The following FAM13C variants were observed in gnomAD, a reference collection of about 807,000 sequenced individuals.
The protein encoded by FAM13C is protein FAM13C.
A neutral mutation model predicts 73.2 loss-of-function variants in FAM13C; 37 were observed. The observed-to-expected ratio is 0.51, with a 90% CI of 0.39 to 0.67. The LOEUF (loss-of-function observed/expected upper bound fraction) is 0.67. FAM13C is among the 30% of genes least tolerant of loss of function. The probability of loss-of-function intolerance (pLI) is 0.00; values close to 1 mark genes in which losing one functional copy is unlikely to be tolerated. For missense variants in FAM13C, 589 were observed against 715.6 expected (o/e 0.82, Z 2.02); for synonymous variants, 246 against 260.9 (o/e 0.94, Z 0.55).
At chr10:59,293,509 T>TTA (rs535822543) in intron 5 of FAM13C, among the ~76,000 whole-genome samples, 236 of 152,346 alleles carry the variant, frequency 1.5e-3, no homozygotes, top group African/African-American at 5.1e-3. Flanking sequence ...TTTCACTCTT[T>TTA]TTTATGACTG....
At chr10:59,275,795 T>C (rs190698526) in intron 6 of FAM13C, among the ~76,000 whole-genome samples, 5 of 152,224 alleles carry the variant, frequency 3.3e-5, no homozygotes, top group African/African-American at 9.6e-5. Flanking sequence ...TTAAGACAAA[T>C]ACAATCAGGT....
At chr10:59,292,015 C>T (rs1846317293) in intron 5 of FAM13C, among the ~76,000 whole-genome samples, 1 of 152,048 alleles carries the variant, frequency 6.6e-6, no homozygotes, top group Non-Finnish European at 1.5e-5. Context: ...GTCTCTATCT[C>T]CTGACCTCGT....
At chr10:59,274,421 G>A (rs1844090859) in intron 6 of FAM13C, among the ~76,000 whole-genome samples, 1 of 152,086 alleles carries the variant, frequency 6.6e-6, no homozygotes, top group African/African-American at 2.4e-5. Flanking sequence ...TGGGAATGAG[G>A]GCAGATGAAA....
At chr10:59,350,505 C>A (rs1454828918) in intron 3 of FAM13C, among the ~76,000 whole-genome samples, 3 of 152,170 alleles carry the variant, frequency 2.0e-5, no homozygotes, top group East Asian at 3.9e-4. Context: ...CCCTCCCCAG[C>A]ATGACTCTCC....
At position 59,305,115 on chromosome 10, in the gene FAM13C, T is replaced by C. The variant is rs535298126; in HGVS notation, c.444-2251A>G. ...TTATGAAGCCTCAGGTATTCTGCAA[T>C]AGCAACACTAAATGGACTAAGACAC... On this transcript the variant is annotated intron_variant, in intron 4 of 13. Coordinates refer to ENST00000618804, the MANE Select transcript of FAM13C (RefSeq NM_198215.4). Among the ~76,000 whole-genome samples the C allele has an allele frequency of 4.5e-4, 69 of 152,328 alleles. 1 individual carries two copies. The highest frequency in any genetic ancestry group is 1.5e-3 in the African/African-American group (63 of 41,562).
intron 6 of FAM13C, among the ~76,000 whole-genome samples, chr10:59,281,742 ACT>A (rs1055012262): frequency 5.6e-4 from 85 of 152,334 alleles, no homozygotes; most frequent in African/African-American, 2.0e-3. Flanking sequence ...AAAATCCAAA[ACT>A]ATTCTTAATT....
At chr10:59,253,044 T>C in intron 11 of FAM13C, 46 bp from the exon 12 acceptor site, 1 of 1,594,334 alleles carries the variant, frequency 6.3e-7, no homozygotes, top group Non-Finnish European at 8.6e-7. Flanking sequence ...TAATGCTCAG[T>C]GCCTCTTGAG....
At chr10:59,275,148 T>C (rs284622) in intron 6 of FAM13C, among the ~76,000 whole-genome samples, 113,518 of 152,112 alleles carry the variant, frequency 0.75, 44,539 homozygotes, top group East Asian at 0.9. Context: ...GAACATTGAA[T>C]ATACAAAGCA....
chr10:59,321,774 A>G (rs764042282), intron 4 of FAM13C, among the ~76,000 whole-genome samples: 3 of 152,028 alleles, frequency 2.0e-5, no homozygotes, highest in Admixed American at 6.6e-5. Context: ...CACCTCTACA[A>G]ACATGGATTC....
chr10:59,350,445 C>G (rs1215499680), intron 3 of FAM13C, among the ~76,000 whole-genome samples: 1 of 152,208 alleles, frequency 6.6e-6, no homozygotes, highest in African/African-American at 2.4e-5. Context: ...TCAAGGTCAG[C>G]ACATCCCTGG....
chr10:59,360,984 G>T, intron 1 of FAM13C: 1 of 1,279,660 alleles, frequency 7.8e-7, no homozygotes, highest in Non-Finnish European at 1.0e-6. Context: ...GGGCCAGAAA[G>T]CACTTAGTAC....
At chr10:59,359,579 G>C (rs970040516) in intron 1 of FAM13C, among the ~76,000 whole-genome samples, 1 of 152,180 alleles carries the variant, frequency 6.6e-6, no homozygotes, top group African/African-American at 2.4e-5. Flanking sequence ...GAAGTACCTG[G>C]TCAAAACAGA....
intron 4 of FAM13C, among the ~76,000 whole-genome samples, chr10:59,307,157 A>T (rs1042907113): frequency 1.3e-5 from 2 of 152,060 alleles, no homozygotes; most frequent in Non-Finnish European, 2.9e-5. Flanking sequence ...TTGAGGTGAG[A>T]CTGAAATAGA....
chr10:59,315,257 C>T (rs747205685), intron 4 of FAM13C, among the ~76,000 whole-genome samples: 1 of 152,098 alleles, frequency 6.6e-6, no homozygotes, highest in Admixed American at 6.6e-5. Flanking sequence ...AAAATTACCA[C>T]CACTAAAATA....
chr10:59,345,330 T>C (rs1031157530), intron 3 of FAM13C, among the ~76,000 whole-genome samples: 4 of 152,208 alleles, frequency 2.6e-5, no homozygotes, highest in African/African-American at 4.8e-5. Context: ...AAATTCTCCA[T>C]TGGTTAACTT....
chr10:59,317,298 A>T (rs532274087), intron 4 of FAM13C, among the ~76,000 whole-genome samples: 34 of 152,282 alleles, frequency 2.2e-4, no homozygotes, highest in Non-Finnish European at 4.3e-4. Flanking sequence ...CACACTGAAC[A>T]CTTAACCAGC....
intron 4 of FAM13C, among the ~76,000 whole-genome samples, chr10:59,317,951 G>A (rs949441146): frequency 6.7e-6 from 1 of 150,148 alleles, no homozygotes; most frequent in Non-Finnish European, 1.5e-5. Flanking sequence ...GTGTCCATGT[G>A]TTCTAGCAGA....
chr10:59,268,798 G>A, intron 7 of FAM13C, 107 bp from the exon 8 acceptor site: 1 of 1,369,090 alleles, frequency 7.3e-7, no homozygotes, highest in Non-Finnish European at 9.7e-7. Context: ...AAGTCCAGAG[G>A]GAAGTTCATT....
Position 59,310,317 on chromosome 10 carries a change from A to G in FAM13C, c.444-7453T>C, listed in dbSNP as rs73300157. ...TGAAACTCTTTTGAAAACAAAAGGTATATCCCAAGAGGACAACCCTCTGAG... is the reference window on the plus strand; with the variant it reads ...TGAAACTCTTTTGAAAACAAAAGGTGTATCCCAAGAGGACAACCCTCTGAG... On this transcript the variant is annotated intron_variant, in intron 4 of 13. Coordinates refer to ENST00000618804, the MANE Select transcript of FAM13C (RefSeq NM_198215.4). 6.2e-3 allele frequency among the ~76,000 whole-genome samples: 952 copies of G among 152,352 alleles called. 12 individuals carry two copies. The highest frequency in any genetic ancestry group is 0.022 in the African/African-American group (908 of 41,578).
Sources: gnomAD v4.1 joint callset for allele counts (sites outside exome capture counted in the v4.1 genomes callset) on GRCh38, gnomAD v4.1.1 for gene constraint, MANE v1.5 for transcripts, NCBI Gene and HGNC (gene_info 2026-07-23, HGNC 2026-07-21) for gene names.